Variants in CEP104 observed in about 807,000 individuals in gnomAD.
CEP104 encodes centrosomal protein of 104 kDa.
A neutral mutation model predicts 113.3 loss-of-function variants in CEP104; 84 were observed. The ratio of observed to expected loss-of-function variants is 0.74; its 90% CI spans 0.62 to 0.89. CEP104 has a LOEUF of 0.89. Among genes scored for constraint, CEP104 ranks in the 40% least tolerant of loss-of-function variants. CEP104 has a pLI of 0.00. For missense variants in CEP104, 1,053 were observed against 1,156.6 expected, an observed-to-expected ratio of 0.91 and a Z score of 1.30; for synonymous variants, 378 against 421.7, an observed-to-expected ratio of 0.90 and a Z score of 1.27.
intron 12 of CEP104, 44 bp from the exon 13 acceptor site, chr1:3,831,266 T>A: frequency 7.0e-6 from 11 of 1,568,546 alleles, no homozygotes; most frequent in Non-Finnish European, 9.6e-6. Flanking sequence ...TGGAAAATGC[T>A]GGAGGCAGTT....
In CEP104 at chr1:3,836,543, C is replaced by G. The variant is rs1264783747; in HGVS notation, c.1269G>C (p.Lys423Asn). 1 of 1,596,120 alleles carries G rather than the reference C, an allele frequency of 6.3e-7. No homozygotes were observed. Among genetic ancestry groups the G allele is most frequent in the Admixed American group, 1.7e-5 (1 of 58,840 alleles). ...TGGCAGAGCTGGCTTCTCTCAAGGC[C>G]TTCTCGGTTAAGGGCTCTGGCTCCC... ...MLGEPEPLTE[K>N]ALREASSAID... Residue 423 changes from lysine (K) to asparagine (N), a missense_variant, in exon 10 of 22, where the codon AAG becomes AAC. Coordinates refer to ENST00000378230, the MANE Select transcript of CEP104 (RefSeq NM_014704.4).
chr1:3,840,736 C>T (rs10909800), intron 6 of CEP104, among the ~76,000 whole-genome samples: 55,369 of 151,896 alleles, frequency 0.36, 10,766 homozygotes, highest in Admixed American at 0.46. Context: ...GATGGAGTTT[C>T]ACCATGTTAG....
intron 16 of CEP104, 43 bp downstream of exon 16, chr1:3,826,665 T>C (rs1335759560): frequency 1.2e-6 from 2 of 1,609,558 alleles, no homozygotes; most frequent in Non-Finnish European, 1.7e-6. Flanking sequence ...ACCCCGATTC[T>C]TTACACACCC....
chr1:3,826,272 C>A (rs552470477), intron 17 of CEP104, 98 bp downstream of exon 17: 9 of 1,028,308 alleles, frequency 8.8e-6, no homozygotes, highest in Non-Finnish European at 1.2e-5. Context: ...ATGATGACTA[C>A]GAAGGGCCAA....
rs2124649855 is a variant in CEP104, at chr1:3,826,763, G to A, written c.2152-19C>T. ...CTTTTTCCTAAGACACAGAAACAGT[G>A]AGGTCAGGGGCAAAGGGCTGCAGTG... On this transcript the variant is annotated intron_variant, in intron 15 of 21. Transcript: ENST00000378230. The A allele has an allele frequency of 1.9e-6, 3 of 1,613,136 alleles. No homozygotes were observed. Among genetic ancestry groups the A allele is most frequent in the East Asian group, 2.2e-5 (1 of 44,878 alleles).
intron 17 of CEP104, 69 bp from the exon 18 acceptor site, chr1:3,825,935 G>T: frequency 9.6e-7 from 1 of 1,036,616 alleles, no homozygotes; most frequent in Non-Finnish European, 1.5e-6. Flanking sequence ...CCGCTCCCAC[G>T]TCACGAGGAA....
In CEP104 at chr1:3,823,773, C is replaced by T. The variant is rs913465335; in HGVS notation, c.2365-211G>A. On this transcript the variant is annotated intron_variant, in intron 18 of 21. Transcript: ENST00000378230. This position sits in a 1 kb window ranked among gnomAD's most constrained non-coding sequence, Gnocchi z 4.1. ...GCTGAAGACCCCACGTCCTTCCTTT[C>T]CTGTCATCTTAGCATCGGGCAGGGG... Among the ~76,000 whole-genome samples, 2 of 152,186 alleles carry T rather than the reference C, an allele frequency of 1.3e-5. No individual in the cohort carries two copies. Among genetic ancestry groups the T allele is most frequent in the African/African-American group, 4.8e-5 (2 of 41,438 alleles).
chr1:3,836,473 T>TTG, intron 10 of CEP104, 22 bp downstream of exon 10: 6 of 1,381,756 alleles, frequency 4.3e-6, no homozygotes, highest in Admixed American at 2.6e-5. Flanking sequence ...ACCCCGTTTT[T>TTG]TTTTTTTTTT....
chr1:3,856,309 G>T (rs569468064), intron 1 of CEP104, among the ~76,000 whole-genome samples: 6 of 152,332 alleles, frequency 3.9e-5, no homozygotes, highest in African/African-American at 1.2e-4. Flanking sequence ...TTGAACCCGG[G>T]AGGCGGAGGC....
At chr1:3,817,872 G>A (rs536018851) in intron 20 of CEP104, among the ~76,000 whole-genome samples, 4 of 152,230 alleles carry the variant, frequency 2.6e-5, no homozygotes, top group African/African-American at 7.2e-5. Flanking sequence ...TGCTGCTGTC[G>A]CGAGAACGCC....
rs375193528 is a variant in CEP104 at position 3,834,945 on chromosome 1, T to C, written c.1465A>G (p.Ile489Val). The change falls in exon 11 of 22, where the codon ATA (isoleucine) becomes GTA (valine). Residue 489 changes from isoleucine (I) to valine (V), a missense_variant. Physicochemically the swap from Ile to Val is conservative, Grantham distance 29 (BLOSUM62 3). Coordinates refer to ENST00000378230, the MANE Select transcript of CEP104 (RefSeq NM_014704.4). The part of the protein sequence containing the change: ...RASVFLVRRA[I>V]KDIVTSVFQA... Reference sequence around the variant, plus strand: ...CTCACGGAGGTCACAATGTCCTTTATGGCTCTTCTAACGAGAAAGACGGAT... The same window carrying C: ...CTCACGGAGGTCACAATGTCCTTTACGGCTCTTCTAACGAGAAAGACGGAT... 2.5e-6 allele frequency: 4 copies of C among 1,597,876 alleles called. No individual in the cohort carries two copies. In the East Asian group the frequency reaches 9.0e-5, roughly 36 times the overall value.
At chr1:3,817,535 T>G (rs1041144374) in intron 20 of CEP104, among the ~76,000 whole-genome samples, 1 of 152,164 alleles carries the variant, frequency 6.6e-6, no homozygotes, top group Non-Finnish European at 1.5e-5. Flanking sequence ...AGCCCACTCC[T>G]GTCCCGCTTT....
chr1:3,820,380 A>C (rs1426042774), intron 20 of CEP104, among the ~76,000 whole-genome samples: 2 of 152,210 alleles, frequency 1.3e-5, no homozygotes, highest in Non-Finnish European at 2.9e-5. Context: ...GGAGATAACC[A>C]GGGGAAAAGA....
At chr1:3,815,690 T>G (rs970156430) in intron 21 of CEP104, among the ~76,000 whole-genome samples, 173 bp from the exon 22 acceptor site, 1 of 20,696 alleles carries the variant, frequency 4.8e-5, no homozygotes, top group African/African-American at 1.1e-3. Flanking sequence ...CAGCTTCCTA[T>G]TTTTTTTTTT....
intron 4 of CEP104, among the ~76,000 whole-genome samples, chr1:3,847,019 G>T (rs1418165979): frequency 2.0e-5 from 3 of 152,100 alleles, no homozygotes; most frequent in Admixed American, 6.5e-5. Flanking sequence ...CGTTGGGAGG[G>T]TTTATTTACA....
chr1:3,825,992 T>C, intron 17 of CEP104, 126 bp from the exon 18 acceptor site: 2 of 722,114 alleles, frequency 2.8e-6, no homozygotes, highest in Non-Finnish European at 4.8e-6. Flanking sequence ...TTCCCTCTCA[T>C]CTGGAACTGC....
rs1398926332 is a variant in CEP104, at chr1:3,815,381, C to T, written c.*21G>A. On this transcript the variant is annotated 3_prime_UTR_variant, in exon 22 of 22. Coordinates refer to ENST00000378230, the MANE Select transcript of CEP104 (RefSeq NM_014704.4). The stretch of plus-strand genomic sequence containing the variant: ...AGACCCGCTCCATCCCTCACAGAGA[C>T]CAAGGAGCCCGAGCGCCGCGTCAGC... 1 of 1,557,962 alleles carries T rather than the reference C, an allele frequency of 6.4e-7. No homozygotes were observed. Among genetic ancestry groups the T allele is most frequent in the Non-Finnish European group, 8.8e-7 (1 of 1,140,358 alleles).
At chr1:3,830,863 C>T (rs957790512) in intron 13 of CEP104, among the ~76,000 whole-genome samples, 183 bp downstream of exon 13, 3 of 152,012 alleles carry the variant, frequency 2.0e-5, no homozygotes, top group Admixed American at 1.3e-4. Context: ...CATGCACCAC[C>T]GAGTAGGATT....
intron 13 of CEP104, among the ~76,000 whole-genome samples, 183 bp downstream of exon 13, chr1:3,830,863 C>G (rs957790512): frequency 6.6e-6 from 1 of 152,012 alleles, no homozygotes; most frequent in African/African-American, 2.4e-5. Flanking sequence ...CATGCACCAC[C>G]GAGTAGGATT....
Sources: allele counts gnomAD v4.1 joint callset (sites outside exome capture counted in the v4.1 genomes callset), GRCh38; gene constraint gnomAD v4.1.1; non-coding constraint Gnocchi (gnomAD v3.1); transcripts MANE v1.5; gene names NCBI Gene and HGNC (gene_info 2026-07-23, HGNC 2026-07-21).